The following CLEC2D variants were observed in gnomAD, a reference collection of about 807,000 sequenced individuals.
CLEC2D encodes C-type lectin related f.
A neutral mutation model predicts 20.0 loss-of-function variants in CLEC2D; 16 were observed. The observed-to-expected ratio is 0.80, with a 90% CI of 0.54 to 1.22. The LOEUF (loss-of-function observed/expected upper bound fraction) is 1.22, where lower values mean the gene tolerates loss of function less well. Ranked by LOEUF, CLEC2D falls within the 50% of genes most tolerant of loss-of-function variation. CLEC2D has a pLI of 0.00. For synonymous variants in CLEC2D, 77 were observed against 71.1 expected (o/e 1.08, Z -0.42); for missense variants, 207 against 221.5 (o/e 0.93, Z 0.42).
chr12:9,696,011 CA>C lies in CLEC2D; in HGVS notation c.*1141del. 6.8e-7 allele frequency: 1 copy of C among 1,479,682 alleles called. No homozygotes were observed. Among genetic ancestry groups the C allele is most frequent in the South Asian group, 1.1e-5 (1 of 88,586 alleles). The allele number at this position is 1,479,682 out of a possible 1,614,324, so 91.7% of individuals were successfully genotyped here. A position where few individuals can be genotyped will look rare whatever the true frequency, so the allele number is the denominator to read the frequency against. On this transcript the variant is annotated 3_prime_UTR_variant, in exon 5 of 5. Transcript: ENST00000290855. Reference sequence around the variant, plus strand: ...TCAAAACCATCATCAACACCAAGATCAAAAGGACAAGAATCCTTCAAAAAAC... The same window carrying C: ...TCAAAACCATCATCAACACCAAGATCAAAGGACAAGAATCCTTCAAAAAAC...
At chr12:9,678,728 C>T (rs1865573502) in intron 1 of CLEC2D, among the ~76,000 whole-genome samples, 1 of 152,046 alleles carries the variant, frequency 6.6e-6, no homozygotes. Context: ...TTTGTAGCGA[C>T]AGAGTCTTTG....
chr12:9,670,714 T>G (rs1865401091), intron 1 of CLEC2D, among the ~76,000 whole-genome samples: 1 of 152,220 alleles, frequency 6.6e-6, no homozygotes. Context: ...AGTATATTGA[T>G]ACTATTGTTT....
intron 1 of CLEC2D, among the ~76,000 whole-genome samples, chr12:9,671,038 C>G (rs927428537): frequency 2.0e-5 from 3 of 152,148 alleles, no homozygotes; most frequent in African/African-American, 7.2e-5. Context: ...GGGGCTTCTC[C>G]TTTCCATCCT....
chr12:9,694,909 C>A lies in CLEC2D; in HGVS notation c.*35C>A. ...CAAAGCCCCAACTAATCTTTAGAAG[C>A]ATATTGGAACTGATAACTCCATTTT... is the stretch of plus-strand genomic sequence containing the variant. On this transcript the variant is annotated 3_prime_UTR_variant, in exon 5 of 5. Transcript: ENST00000290855. 2 of 1,073,958 alleles carry A rather than the reference C, an allele frequency of 1.9e-6. No individual in the cohort carries two copies. The highest frequency in any genetic ancestry group is 1.4e-6 in the Non-Finnish European group (1 of 690,778). 66.5% of individuals were successfully genotyped at this position (1,073,958 alleles called of 1,614,324 possible). A position where few individuals can be genotyped will look rare whatever the true frequency, so the allele number is the denominator to read the frequency against.
Position 9,694,763 on chromosome 12 carries a change from T to A in CLEC2D, c.465T>A (p.Phe155Leu). ...WINGTEWTRQFPILGAGECAY... is the reference protein window; with the variant it reads ...WINGTEWTRQLPILGAGECAY... The stretch of plus-strand genomic sequence containing the variant: ...GATTCTGCTTCTTCTCTTGCAGGTT[T>A]CCTATCCTGGGAGCAGGAGAGTGTG... The change falls in exon 5 of 5, where the codon TTT becomes TTA. Residue 155 changes from phenylalanine to leucine, a missense_variant. By Grantham distance (22) the Phe-to-Leu change is conservative. Coordinates refer to ENST00000290855, the MANE Select transcript of CLEC2D (RefSeq NM_013269.6). The A allele has an allele frequency of 8.8e-6, 14 of 1,589,664 alleles. No homozygotes were observed. Among genetic ancestry groups the A allele is most frequent in the Non-Finnish European group, 1.2e-5 (14 of 1,157,884 alleles).
intron 4 of CLEC2D, 129 bp downstream of exon 4, chr12:9,693,060 A>G: frequency 6.2e-7 from 1 of 1,613,922 alleles, no homozygotes; most frequent in Non-Finnish European, 8.5e-7. Flanking sequence ...GATGGTGCCA[A>G]CTTGTATGTT....
At position 9,695,276 on chromosome 12, in the gene CLEC2D, C is replaced by T; in HGVS notation, c.*402C>T. ...ACCATCAGATATCTTGAGACAAGAA[C>T]AGTATGGGGCTCCCTGGTGTGATTC... is the stretch of plus-strand genomic sequence containing the variant. On this transcript the variant is annotated 3_prime_UTR_variant, in exon 5 of 5. Transcript: ENST00000290855. 1.4e-6 allele frequency: 1 copy of T among 692,656 alleles called. No homozygotes were observed. The highest frequency in any genetic ancestry group is 1.5e-5 in the South Asian group (1 of 65,110). 42.9% of individuals were successfully genotyped at this position (692,656 alleles called of 1,614,324 possible). A position where few individuals can be genotyped will look rare whatever the true frequency, so the allele number is the denominator to read the frequency against.
chr12:9,678,467 G>A (rs747735276), intron 1 of CLEC2D, among the ~76,000 whole-genome samples: 2 of 152,140 alleles, frequency 1.3e-5, no homozygotes, highest in African/African-American at 2.4e-5. Context: ...ATTAATATAG[G>A]TGGATTAAAT....
chr12:9,688,190 A>ATTTTTTTT lies in CLEC2D; in HGVS notation c.357+121_357+128dup, dbSNP rs71045286. On this transcript the variant is annotated intron_variant, in intron 3 of 4. Transcript: ENST00000290855. ...GGTTTAGACATCTGCTTTTACATTG[A>ATTTTTTTT]TTTTTTTTTTTTTTTTTTTTTTTTG... is the stretch of plus-strand genomic sequence containing the variant. The ATTTTTTTT allele has an allele frequency of 3.6e-4, 287 of 786,394 alleles. 1 individual carries two copies. The highest frequency in any genetic ancestry group is 1.3e-3 in the African/African-American group (48 of 36,704). The allele number at this position is 786,394 out of a possible 1,614,324, so 48.7% of individuals were successfully genotyped here.
At position 9,696,357 on chromosome 12, in the gene CLEC2D, C is replaced by G; in HGVS notation, c.*1483C>G. On this transcript the variant is annotated 3_prime_UTR_variant, in exon 5 of 5. Coordinates refer to ENST00000290855, the MANE Select transcript of CLEC2D (RefSeq NM_013269.6). ...CCCTACCATGTTTGATAAATGTTGT[C>G]CAGGTTCTATTGCCAAGAATGTGTT... is the stretch of plus-strand genomic sequence containing the variant. 1.9e-6 allele frequency: 1 copy of G among 524,474 alleles called. No individual in the cohort carries two copies. The highest frequency in any genetic ancestry group is 3.5e-6 in the Non-Finnish European group (1 of 287,332). 32.5% of individuals were successfully genotyped at this position (524,474 alleles called of 1,614,324 possible).
intron 1 of CLEC2D, among the ~76,000 whole-genome samples, chr12:9,677,858 G>C (rs972381438): frequency 1.3e-5 from 2 of 151,950 alleles, no homozygotes; most frequent in Non-Finnish European, 2.9e-5. Flanking sequence ...CTGAGTAGCT[G>C]GGAATACCGG....
At position 9,680,971 on chromosome 12, in the gene CLEC2D, G is replaced by A. The variant is rs146151995; in HGVS notation, c.110G>A (p.Arg37His). Residue 37 changes from arginine (R) to histidine (H), a missense_variant, in exon 2 of 5, where the codon CGC (arginine) becomes CAC (histidine). Physicochemically the swap from Arg to His is conservative, Grantham distance 29. Coordinates refer to ENST00000290855, the MANE Select transcript of CLEC2D (RefSeq NM_013269.6). ...TCTATTAAAGCTACCTTAATTTGGC[G>A]CTTATTTTTCTTAATCATGTTTCTG... is the stretch of plus-strand genomic sequence containing the variant. ...EHSIKATLIW[R>H]LFFLIMFLTI... is the part of the protein sequence containing the mutation. 76 of 1,607,506 alleles carry A rather than the reference G, an allele frequency of 4.7e-5. 1 individual carries two copies. In the Middle Eastern group the frequency reaches 5.0e-4, roughly 11 times the overall value.
chr12:9,681,886 A>C (rs889075464), intron 2 of CLEC2D, among the ~76,000 whole-genome samples: 1 of 152,236 alleles, frequency 6.6e-6, no homozygotes, highest in African/African-American at 2.4e-5. Context: ...TTATGAAGCA[A>C]AAATAATTTT....
At chr12:9,677,237 A>C (rs995975937) in intron 1 of CLEC2D, among the ~76,000 whole-genome samples, 1 of 152,016 alleles carries the variant, frequency 6.6e-6, no homozygotes, top group Admixed American at 6.5e-5. Flanking sequence ...TTTCTAATAG[A>C]TGCATTCAAT....
chr12:9,696,656 G>T lies in CLEC2D; in HGVS notation c.*1782G>T. The T allele has an allele frequency of 5.8e-6, 1 of 173,606 alleles. No individual in the cohort carries two copies. The highest frequency in any genetic ancestry group is 1.2e-5 in the Non-Finnish European group (1 of 81,536). The allele number at this position is 173,606 out of a possible 1,614,324, so 10.8% of individuals were successfully genotyped here. On this transcript the variant is annotated 3_prime_UTR_variant, in exon 5 of 5. Coordinates refer to ENST00000290855, the MANE Select transcript of CLEC2D (RefSeq NM_013269.6). ...TATTACAATTCAAGGTGAAATTTGG[G>T]TGGAGACACAACCAAACCATATCAG...
At chr12:9,677,707 CTTTTTT>C (rs36120151) in intron 1 of CLEC2D, among the ~76,000 whole-genome samples, 2 of 122,432 alleles carry the variant, frequency 1.6e-5, no homozygotes, top group African/African-American at 3.1e-5. Context: ...TTCTTTCTTT[CTTTTTT>C]TTTTTTTTTT....
chr12:9,692,680 G>A (rs1264689035), intron 3 of CLEC2D, 148 bp from the exon 4 acceptor site: 11 of 540,924 alleles, frequency 2.0e-5, no homozygotes, highest in Non-Finnish European at 3.7e-5. Context: ...TGATAATATA[G>A]CACACCTATT....
intron 2 of CLEC2D, 34 bp from the exon 3 acceptor site, chr12:9,687,868 A>G: frequency 7.4e-7 from 1 of 1,346,894 alleles, no homozygotes; most frequent in Non-Finnish European, 9.9e-7. Flanking sequence ...AAAGTAAGAA[A>G]TTTTTATTTT....
At chr12:9,681,133 T>G in intron 2 of CLEC2D, 100 bp downstream of exon 2, 1 of 682,634 alleles carries the variant, frequency 1.5e-6, no homozygotes, top group Non-Finnish European at 2.4e-6. Context: ...GCTTTTAATA[T>G]ATTGTCTCAC....
Sources: gnomAD v4.1 joint callset for allele counts (sites outside exome capture counted in the v4.1 genomes callset) on GRCh38, gnomAD v4.1.1 for gene constraint, MANE v1.5 for transcripts, NCBI Gene and HGNC (gene_info 2026-07-23, HGNC 2026-07-21) for gene names.